The following RAB11FIP5 variants were observed in gnomAD, a reference collection of about 807,000 sequenced individuals.
The protein encoded by RAB11FIP5 is RAB11 family interacting protein 5.
RAB11FIP5 carries 48 observed loss-of-function variants against 85.1 expected under a neutral mutation model. The ratio of observed to expected loss-of-function variants is 0.56; its 90% CI spans 0.45 to 0.72. The LOEUF is 0.72. RAB11FIP5 is among the 30% of genes least tolerant of loss of function. The pLI, the probability that RAB11FIP5 is intolerant of heterozygous loss-of-function variation, is 0.00. For missense variants in RAB11FIP5, 1,491 were observed against 1,687.0 expected, an observed-to-expected ratio of 0.88 and a Z score of 2.04; for synonymous variants, 729 against 727.3, an observed-to-expected ratio of 1.00 and a Z score of -0.04.
intron 1 of RAB11FIP5, among the ~76,000 whole-genome samples, chr2:73,093,160 G>A (rs1001209140): frequency 1.3e-5 from 2 of 152,172 alleles, no homozygotes; most frequent in African/African-American, 4.8e-5. Context: ...AGCCCCACAC[G>A]CAGCAGAGCA....
intron 1 of RAB11FIP5, among the ~76,000 whole-genome samples, chr2:73,100,000 T>C (rs1267536826): frequency 6.6e-6 from 1 of 152,184 alleles, no homozygotes; most frequent in African/African-American, 2.4e-5. Context: ...GTCAAGACAA[T>C]TGAGCTGCCC....
chr2:73,093,227 G>C (rs553824587), intron 1 of RAB11FIP5, among the ~76,000 whole-genome samples: 14 of 152,330 alleles, frequency 9.2e-5, no homozygotes, highest in Non-Finnish European at 1.5e-4. Flanking sequence ...GAATATGACA[G>C]CAGGGTCCTA....
chr2:73,094,307 T>C (rs1023836024), intron 1 of RAB11FIP5, among the ~76,000 whole-genome samples: 3 of 151,962 alleles, frequency 2.0e-5, no homozygotes, highest in Non-Finnish European at 2.9e-5. Context: ...GCTTAGGAAC[T>C]CCAAAGCCCA....
At position 73,075,605 on chromosome 2, in the gene RAB11FIP5, C is replaced by T; in HGVS notation, c.3891G>A (p.Leu1297=). ...CCAGCAGCCGGTCGATGTAGCTCTC[C>T]AGCTCCTGCACATGCTCGTCCCGCT... ...LSQRDEHVQE[L]ESYIDRLLVR... Residue 1297 remains leucine (L), a synonymous_variant, in exon 6 of 6, where the codon CTG becomes CTA. Transcript: ENST00000486777. The surrounding 1 kb of genome is among the most constrained non-coding windows in gnomAD (Gnocchi z 4.6). 6.2e-7 allele frequency: 1 copy of T among 1,614,180 alleles called. No individual in the cohort carries two copies. Among genetic ancestry groups the T allele is most frequent in the Non-Finnish European group, 8.5e-7 (1 of 1,180,010 alleles).
chr2:73,088,860 C>T lies in RAB11FIP5; in HGVS notation c.868+19G>A, dbSNP rs777554320. 1.7e-5 allele frequency: 26 copies of T among 1,547,728 alleles called. No homozygotes were observed. Among genetic ancestry groups the T allele is most frequent in the Admixed American group, 5.8e-5 (3 of 51,696 alleles). On this transcript the variant is annotated intron_variant, in intron 2 of 5. Transcript: ENST00000486777. ...GCCAGTGCCCCCCTCCCCAGGGCGG[C>T]GGCCCTGTGCTTGCTCACCCCCTTC... is the stretch of plus-strand genomic sequence containing the variant.
At chr2:73,090,586 C>G (rs1438545296) in intron 1 of RAB11FIP5, among the ~76,000 whole-genome samples, 1 of 152,178 alleles carries the variant, frequency 6.6e-6, no homozygotes, top group Non-Finnish European at 1.5e-5. Context: ...AATAGGCTAT[C>G]AAGCCATGAA....
intron 1 of RAB11FIP5, among the ~76,000 whole-genome samples, chr2:73,102,973 G>T (rs1054262659): frequency 2.0e-5 from 3 of 152,116 alleles, no homozygotes; most frequent in Non-Finnish European, 4.4e-5. Flanking sequence ...GACACAGTTG[G>T]AAAACCCTTT....
intron 1 of RAB11FIP5, among the ~76,000 whole-genome samples, chr2:73,092,457 T>C (rs994996826): frequency 6.6e-6 from 1 of 152,228 alleles, no homozygotes; most frequent in Non-Finnish European, 1.5e-5. Context: ...AAGGAGCATA[T>C]ATTACTGTGG....
At chr2:73,076,754 T>C (rs901378054) in intron 4 of RAB11FIP5, among the ~76,000 whole-genome samples, 5 of 152,156 alleles carry the variant, frequency 3.3e-5, no homozygotes, top group Non-Finnish European at 5.9e-5. Context: ...CCAGCTATCA[T>C]TCCTAGTCAC....
chr2:73,102,709 C>A (rs1192799598), intron 1 of RAB11FIP5, among the ~76,000 whole-genome samples: 1 of 152,162 alleles, frequency 6.6e-6, no homozygotes, highest in Non-Finnish European at 1.5e-5. Flanking sequence ...TCTTCTAACA[C>A]CTGCCAGGTA....
intron 3 of RAB11FIP5, among the ~76,000 whole-genome samples, chr2:73,083,282 G>A (rs1304595212): frequency 1.3e-5 from 2 of 152,158 alleles, no homozygotes; most frequent in African/African-American, 4.8e-5. Context: ...GTGGACTGAG[G>A]CAGGTCAGCT....
chr2:73,111,669 A>G (rs958392339), intron 1 of RAB11FIP5, among the ~76,000 whole-genome samples: 13 of 152,084 alleles, frequency 8.5e-5, no homozygotes, highest in African/African-American at 2.9e-4. Flanking sequence ...AGGGCAGGGC[A>G]GGCAGGCAGG....
chr2:73,094,685 C>T (rs189323849), intron 1 of RAB11FIP5, among the ~76,000 whole-genome samples: 1 of 152,162 alleles, frequency 6.6e-6, no homozygotes, highest in Admixed American at 6.5e-5. Context: ...CCTGGGCTCT[C>T]CACCTGGGCT....
chr2:73,076,300 G>T, intron 4 of RAB11FIP5, 118 bp from the exon 5 acceptor site: 1 of 981,288 alleles, frequency 1.0e-6, no homozygotes, highest in Non-Finnish European at 1.5e-6. Context: ...GCACTGGGTG[G>T]TAGCTGCCCC....
chr2:73,088,131 T>G lies in RAB11FIP5; in HGVS notation c.1487A>C (p.His496Pro), dbSNP rs140475519. The change falls in exon 3 of 6, where the codon CAT (histidine) becomes CCT (proline). Residue 496 changes from histidine (H) to proline (P), a missense_variant. By Grantham distance (77) the His-to-Pro change is moderately conservative (BLOSUM62 -2). Coordinates refer to ENST00000486777, the MANE Select transcript of RAB11FIP5 (RefSeq NM_001371272.1). Reference sequence around the variant, plus strand: ...CTTTTCCTCCCCACTGGATGAGTGATGTGGGGAGGCCCCCAGGATGGGACC... The same window carrying G: ...CTTTTCCTCCCCACTGGATGAGTGAGGTGGGGAGGCCCCCAGGATGGGACC... ...KGGPILGASP[H>P]HSSSGEEKAK... The G allele has an allele frequency of 6.2e-7, 1 of 1,613,938 alleles. No individual in the cohort carries two copies. Among genetic ancestry groups the G allele is most frequent in the African/African-American group, 1.3e-5 (1 of 74,918 alleles).
At chr2:73,101,939 G>A (rs1574303929) in intron 1 of RAB11FIP5, among the ~76,000 whole-genome samples, 1 of 152,216 alleles carries the variant, frequency 6.6e-6, no homozygotes, top group East Asian at 1.9e-4. Flanking sequence ...AGGTGTCTTT[G>A]AAGAGCTTAT....
chr2:73,110,609 G>A (rs1684636518), intron 1 of RAB11FIP5, among the ~76,000 whole-genome samples: 1 of 152,222 alleles, frequency 6.6e-6, no homozygotes, highest in Non-Finnish European at 1.5e-5. Flanking sequence ...TCAAGGGGTG[G>A]TAAGTCAAAT....
rs1574293353 is a variant in RAB11FIP5 at position 73,079,848 on chromosome 2, C to A, written c.3384G>T (p.Leu1128=). Residue 1128 remains leucine (L), a synonymous_variant, in exon 4 of 6, where the codon CTG becomes CTT. Coordinates refer to ENST00000486777, the MANE Select transcript of RAB11FIP5 (RefSeq NM_001371272.1). The part of the protein sequence containing the change: ...RGGPSPPCSP[L]SEAWPLTTSS... ...AGGTAGTCAGGGGCCAGGCTTCAGA[C>A]AGGGGAGAGCATGGAGGGCTGGGCC... The A allele has an allele frequency of 1.6e-6, 2 of 1,232,304 alleles. No individual in the cohort carries two copies. The highest frequency in any genetic ancestry group is 3.2e-5 in the East Asian group (1 of 31,700). The allele number at this position is 1,232,304 out of a possible 1,614,324, so 76.3% of individuals were successfully genotyped here. A position where few individuals can be genotyped will look rare whatever the true frequency, so the allele number is the denominator to read the frequency against.
chr2:73,094,014 G>C (rs929769611), intron 1 of RAB11FIP5, among the ~76,000 whole-genome samples: 1 of 151,786 alleles, frequency 6.6e-6, no homozygotes, highest in African/African-American at 2.4e-5. Flanking sequence ...TGAGCTGCTC[G>C]GGAAGCTGAG....
Sources: allele counts gnomAD v4.1 joint callset (sites outside exome capture counted in the v4.1 genomes callset), GRCh38; gene constraint gnomAD v4.1.1; non-coding constraint Gnocchi (gnomAD v3.1); transcripts MANE v1.5; gene names NCBI Gene and HGNC (gene_info 2026-07-23, HGNC 2026-07-21).